OVAAL: variants seen among roughly 807,000 people sequenced by gnomAD.
OVAAL encodes ovarian adenocarcinoma amplified long non-coding RNA.
At chr1:180,564,483 C>T (rs16856176) in intron 2 of OVAAL, among the ~76,000 whole-genome samples, 5,640 of 152,166 alleles carry the variant, frequency 0.037, 356 homozygotes, top group African/African-American at 0.12. Flanking sequence ...GTATTCAATT[C>T]TATCATCCTG....
chr1:180,560,225 G>A (rs1271872565), intron 1 of OVAAL, among the ~76,000 whole-genome samples: 1 of 152,162 alleles, frequency 6.6e-6, no homozygotes, highest in Non-Finnish European at 1.5e-5. Context: ...GGCATCCAGG[G>A]TGGAGGTGAA....
chr1:180,563,817 G>A lies in OVAAL; in HGVS notation n.514-1434G>A, dbSNP rs536975959. Among the ~76,000 whole-genome samples the A allele has an allele frequency of 3.1e-4, 47 of 152,232 alleles. 1 individual carries two copies. The South Asian group carries it at 9.8e-3, about 32-fold the overall frequency. ...GTGAGTCCGCACGCCCAACTCCTGGGATCTTATCAGGAAGCTGATGATCAC... is the reference window on the plus strand; with the variant it reads ...GTGAGTCCGCACGCCCAACTCCTGGAATCTTATCAGGAAGCTGATGATCAC... On this transcript the variant is annotated intron_variant and non_coding_transcript_variant, in intron 2 of 2. Transcript: ENST00000673955.
At chr1:180,559,647 C>T (rs1018917188) in intron 1 of OVAAL, among the ~76,000 whole-genome samples, 2 of 152,200 alleles carry the variant, frequency 1.3e-5, no homozygotes, top group African/African-American at 4.8e-5. Context: ...GTGGTTCATG[C>T]CTGTAATCCC....
At chr1:180,561,340 A>G (rs996525957) in intron 1 of OVAAL, among the ~76,000 whole-genome samples, 5 of 152,164 alleles carry the variant, frequency 3.3e-5, no homozygotes, top group Non-Finnish European at 1.5e-5. Flanking sequence ...AATCACCATG[A>G]CCACAGAGGA....
intron 2 of OVAAL, among the ~76,000 whole-genome samples, chr1:180,564,945 A>G (rs1216452564): frequency 1.3e-5 from 2 of 152,166 alleles, no homozygotes; most frequent in Non-Finnish European, 2.9e-5. Flanking sequence ...CCATTGTCCT[A>G]TGCCCTCGCT....
chr1:180,562,253 A>T (rs1653217655), exon 2 of OVAAL: 1 of 152,350 alleles, frequency 6.6e-6, no homozygotes. Context: ...TAACTCAGGC[A>T]TTTTGGGGGA....
intron 2 of OVAAL, among the ~76,000 whole-genome samples, chr1:180,563,874 C>G (rs990675792): frequency 5.3e-5 from 8 of 152,110 alleles, no homozygotes; most frequent in African/African-American, 1.7e-4. Context: ...TATAGGGAGA[C>G]TGCCTTTCCC....
chr1:180,560,095 A>G (rs557989758), intron 1 of OVAAL, among the ~76,000 whole-genome samples: 1 of 152,254 alleles, frequency 6.6e-6, no homozygotes, highest in South Asian at 2.1e-4. Context: ...ACAGAGGAAA[A>G]AAGTGAGGCT....
At chr1:180,566,269 G>A (rs1012920820) in exon 3 of OVAAL, 1 of 152,168 alleles carries the variant, frequency 6.6e-6, no homozygotes, top group African/African-American at 2.4e-5. Context: ...CGGCTGCAAC[G>A]TCTCCCCAGT....
intron 1 of OVAAL, among the ~76,000 whole-genome samples, chr1:180,561,615 G>A (rs754933680): frequency 1.3e-5 from 2 of 152,246 alleles, no homozygotes; most frequent in Non-Finnish European, 2.9e-5. Flanking sequence ...TCTGTGAGAA[G>A]CTGTAGGTGC....
At chr1:180,564,330 T>C (rs929032142) in intron 2 of OVAAL, among the ~76,000 whole-genome samples, 9 of 152,186 alleles carry the variant, frequency 5.9e-5, no homozygotes, top group African/African-American at 2.2e-4. Context: ...GTCCTAAATA[T>C]TTCATAAGAC....
intron 2 of OVAAL, among the ~76,000 whole-genome samples, chr1:180,563,865 A>G (rs891356450): frequency 4.6e-5 from 7 of 152,056 alleles, no homozygotes; most frequent in East Asian, 1.9e-4. Context: ...TCTTCTATCT[A>G]TAGGGAGACT....
intron 1 of OVAAL, among the ~76,000 whole-genome samples, chr1:180,560,013 G>T (rs1311742162): frequency 6.6e-6 from 1 of 152,036 alleles, no homozygotes; most frequent in Non-Finnish European, 1.5e-5. Context: ...CAGGCAGTTT[G>T]CTAAGCATCT....
chr1:180,560,724 C>T (rs1283335287), intron 1 of OVAAL, among the ~76,000 whole-genome samples: 1 of 152,182 alleles, frequency 6.6e-6, no homozygotes, highest in Non-Finnish European at 1.5e-5. Flanking sequence ...AAATGTTCAG[C>T]AGTATTTACT....
exon 3 of OVAAL, chr1:180,566,046 C>G (rs557869445): frequency 1.3e-5 from 2 of 152,342 alleles, no homozygotes; most frequent in South Asian, 4.1e-4. Context: ...AAACAATAGG[C>G]TAGTGCAAAT....
chr1:180,561,265 A>G (rs1653194729), intron 1 of OVAAL, among the ~76,000 whole-genome samples: 2 of 152,182 alleles, frequency 1.3e-5, no homozygotes, highest in Admixed American at 6.5e-5. Flanking sequence ...CCCAAACCAC[A>G]GTAGTGACCA....
chr1:180,561,851 T>C (rs61388681), intron 1 of OVAAL, among the ~76,000 whole-genome samples: 32,640 of 151,858 alleles, frequency 0.21, 3,676 homozygotes, highest in African/African-American at 0.27. Flanking sequence ...GGTGAAATCC[T>C]ATCTCTACTA....
intron 1 of OVAAL, among the ~76,000 whole-genome samples, chr1:180,561,144 G>C (rs1352405841): frequency 1.3e-5 from 2 of 152,152 alleles, no homozygotes; most frequent in Non-Finnish European, 2.9e-5. Context: ...CCTCTCAGTT[G>C]CTCCTGCCTG....
At chr1:180,559,596 G>C (rs1653165440) in intron 1 of OVAAL, among the ~76,000 whole-genome samples, 7 of 152,108 alleles carry the variant, frequency 4.6e-5, no homozygotes, top group Admixed American at 1.3e-4. Flanking sequence ...AAAATTTGCA[G>C]CCTGACAATG....
Sources: allele counts gnomAD v4.1 joint callset (sites outside exome capture counted in the v4.1 genomes callset), GRCh38; gene constraint gnomAD v4.1.1; transcripts MANE v1.5; gene names NCBI Gene and HGNC (gene_info 2026-07-23, HGNC 2026-07-21).